Variants in CNBD1 observed in about 807,000 individuals in gnomAD.
CNBD1 encodes the protein cyclic nucleotide binding domain containing 1.
A neutral mutation model predicts 54.4 loss-of-function variants in CNBD1; 71 were observed. The observed-to-expected ratio is 1.30, with a 90% CI of 1.08 to 1.59. The LOEUF (loss-of-function observed/expected upper bound fraction) is 1.59. CNBD1 is among the 40% of genes most tolerant of loss of function. The pLI is 0.00. For missense variants in CNBD1, 659 were observed against 518.0 expected (o/e 1.27, Z -2.64); for synonymous variants, 182 against 170.7 (o/e 1.07, Z -0.51).
chr8:87,196,605 A>G (rs1228595249), intron 4 of CNBD1, among the ~76,000 whole-genome samples: 1 of 152,184 alleles, frequency 6.6e-6, no homozygotes, highest in African/African-American at 2.4e-5. Flanking sequence ...AGTACCTACA[A>G]CTGGGAACAC....
intron 4 of CNBD1, among the ~76,000 whole-genome samples, chr8:87,123,698 A>G (rs1052538412): frequency 2.6e-5 from 4 of 151,770 alleles, no homozygotes; most frequent in African/African-American, 9.7e-5. Context: ...AGAGACTAGG[A>G]AACAATAGAA....
chr8:87,277,037 C>G (rs1014809764), intron 6 of CNBD1, among the ~76,000 whole-genome samples: 1 of 150,880 alleles, frequency 6.6e-6, no homozygotes, highest in Non-Finnish European at 1.5e-5. Context: ...TTCCTTCTTA[C>G]ATTTATGAAA....
At chr8:87,337,305 A>G (rs1345318043) in intron 8 of CNBD1, among the ~76,000 whole-genome samples, 1 of 152,144 alleles carries the variant, frequency 6.6e-6, no homozygotes, top group Non-Finnish European at 1.5e-5. Context: ...GGAGGAGGAA[A>G]GATTAAGTCT....
At chr8:87,250,245 A>G (rs547964478) in intron 6 of CNBD1, among the ~76,000 whole-genome samples, 9 of 152,326 alleles carry the variant, frequency 5.9e-5, no homozygotes, top group African/African-American at 2.2e-4. Context: ...ATTAATCATC[A>G]AAGAAATGCA....
At chr8:87,203,843 A>AT (rs1175011397) in intron 4 of CNBD1, among the ~76,000 whole-genome samples, 1 of 152,210 alleles carries the variant, frequency 6.6e-6, no homozygotes, top group Admixed American at 6.5e-5. Context: ...GGCTATTACA[A>AT]TAAAAACTCA....
In CNBD1 at chr8:86,926,974, G is replaced by A. The variant is rs1809371963; in HGVS notation, c.273-12622G>A. Among the ~76,000 whole-genome samples the A allele has an allele frequency of 2.0e-5, 3 of 152,144 alleles. 1 individual carries two copies. In the South Asian group the frequency reaches 6.2e-4, roughly 32 times the overall value. On this transcript the variant is annotated intron_variant, in intron 3 of 10. Transcript: ENST00000518476. The stretch of plus-strand genomic sequence containing the variant: ...GCACTGATAGGGTCTGATTTCCTGG[G>A]GCAATGTCAATGTTGGGACTTAGGA...
At chr8:86,904,213 T>C (rs1375416123) in intron 2 of CNBD1, among the ~76,000 whole-genome samples, 1 of 152,064 alleles carries the variant, frequency 6.6e-6, no homozygotes, top group African/African-American at 2.4e-5. Flanking sequence ...TTCATTGTCA[T>C]GCGGCAACTA....
chr8:87,182,904 T>C lies in CNBD1; in HGVS notation c.432-23089T>C, dbSNP rs1168436041. Among the ~76,000 whole-genome samples the C allele has an allele frequency of 6.6e-6, 1 of 152,188 alleles. No homozygotes were observed. The highest frequency in any genetic ancestry group is 1.5e-5 in the Non-Finnish European group (1 of 68,030). ...TGTCCTGTGCAGAACCTCTTTGGTT[T>C]AATTAGGTTACACTTATGTATTTTT... On this transcript the variant is annotated intron_variant, in intron 4 of 10. Transcript: ENST00000518476. This position sits in a 1 kb window ranked among gnomAD's most constrained non-coding sequence, Gnocchi z 4.1.
rs1309058087 is a variant in CNBD1 at position 87,324,845 on chromosome 8, C to A, written c.1043-26840C>A. ...TTAGTTATTTCTTGCCTTCTGCTAGCTTTTGAATGTGTTTGCTCTTGCTTT... is the reference window on the plus strand; with the variant it reads ...TTAGTTATTTCTTGCCTTCTGCTAGATTTTGAATGTGTTTGCTCTTGCTTT... On this transcript the variant is annotated intron_variant, in intron 8 of 10. Coordinates refer to ENST00000518476, the MANE Select transcript of CNBD1 (RefSeq NM_173538.3). Among the ~76,000 whole-genome samples the A allele has an allele frequency of 2.6e-5, 3 of 113,384 alleles. 1 individual carries two copies. Among genetic ancestry groups the A allele is most frequent in the South Asian group, 2.4e-4 (1 of 4,140 alleles). 74.4% of individuals were successfully genotyped at this position (113,384 alleles called of 152,430 possible). A position where few individuals can be genotyped will look rare whatever the true frequency, so the allele number is the denominator to read the frequency against.
intron 6 of CNBD1, among the ~76,000 whole-genome samples, chr8:87,266,039 G>A (rs1808249045): frequency 6.6e-6 from 1 of 152,012 alleles, no homozygotes. Context: ...CTGTAAGCCA[G>A]TACTTTTGGA....
intron 10 of CNBD1, among the ~76,000 whole-genome samples, chr8:87,369,815 T>C (rs1023640543): frequency 8.6e-5 from 13 of 152,016 alleles, no homozygotes; most frequent in Admixed American, 8.5e-4. Flanking sequence ...CATGCTGGTG[T>C]GCTGCACCCA....
chr8:87,324,719 G>T (rs7846142), intron 8 of CNBD1, among the ~76,000 whole-genome samples: 3 of 150,900 alleles, frequency 2.0e-5, no homozygotes, highest in Admixed American at 6.6e-5. Context: ...CTTGCTAGCG[G>T]TCTATCAATT....
At chr8:87,035,941 C>T (rs1366156810) in intron 4 of CNBD1, among the ~76,000 whole-genome samples, 1 of 152,080 alleles carries the variant, frequency 6.6e-6, no homozygotes, top group African/African-American at 2.4e-5. Flanking sequence ...TCCCTGGCTG[C>T]CTTTTAAGGA....
chr8:87,348,741 C>G (rs1463430176), intron 8 of CNBD1, among the ~76,000 whole-genome samples: 1 of 152,110 alleles, frequency 6.6e-6, no homozygotes, highest in Non-Finnish European at 1.5e-5. Context: ...CTTCACTATC[C>G]CAGTGCTGAT....
chr8:87,062,824 G>C (rs750334798), intron 4 of CNBD1, among the ~76,000 whole-genome samples: 2 of 151,956 alleles, frequency 1.3e-5, no homozygotes, highest in Non-Finnish European at 2.9e-5. Flanking sequence ...TTGGTTAAAA[G>C]TATATTGAAA....
intron 4 of CNBD1, among the ~76,000 whole-genome samples, chr8:87,008,344 A>G (rs957411877): frequency 6.6e-6 from 1 of 152,170 alleles, no homozygotes; most frequent in Non-Finnish European, 1.5e-5. Context: ...ATTTAGTTTT[A>G]GAAGCACTAA....
intron 10 of CNBD1, among the ~76,000 whole-genome samples, chr8:87,361,699 T>TATA (rs141320359): frequency 6.7e-6 from 1 of 150,342 alleles, no homozygotes; most frequent in Non-Finnish European, 1.5e-5. Context: ...AATATATATA[T>TATA]ATATATATAT....
chr8:87,099,757 T>C (rs1235428389), intron 4 of CNBD1, among the ~76,000 whole-genome samples: 3 of 152,322 alleles, frequency 2.0e-5, no homozygotes, highest in Admixed American at 6.5e-5. Flanking sequence ...AGTTCAGATT[T>C]TGACATAATC....
chr8:87,421,440 A>C (rs1035128071), intron 2 of CNBD1, among the ~76,000 whole-genome samples: 2 of 84,832 alleles, frequency 2.4e-5, no homozygotes, highest in Non-Finnish European at 4.4e-5. Flanking sequence ...CCCACCCCAC[A>C]ACAGTCCCCA....
Sources: gnomAD v4.1 joint callset for allele counts (sites outside exome capture counted in the v4.1 genomes callset) on GRCh38, gnomAD v4.1.1 for gene constraint, Gnocchi (gnomAD v3.1) non-coding constraint, MANE v1.5 for transcripts, NCBI Gene and HGNC (gene_info 2026-07-23, HGNC 2026-07-21) for gene names.